Variants in GRIK4 observed in about 807,000 individuals in gnomAD.
The protein encoded by GRIK4 is glutamate receptor ionotropic, kainate 4.
In GRIK4, 40 loss-of-function variants were observed where a neutral mutation model predicts 104.9. The observed-to-expected ratio is 0.38, with a 90% CI of 0.30 to 0.50. The LOEUF is 0.50. Among genes scored for constraint, GRIK4 ranks in the 20% least tolerant of loss-of-function variants. The probability of loss-of-function intolerance (pLI) is 0.93; values close to 1 mark genes in which losing one functional copy is unlikely to be tolerated. For synonymous variants in GRIK4, 485 were observed against 524.9 expected (o/e 0.92, Z 1.04); for missense variants, 1,047 against 1,308.1 (o/e 0.80, Z 3.08).
chr11:120,537,247 T>TAGA (rs1947987101), intron 1 of GRIK4, among the ~76,000 whole-genome samples: 2 of 152,162 alleles, frequency 1.3e-5, no homozygotes, highest in Admixed American at 1.3e-4. Context: ...GTCTCTTCCA[T>TAGA]GGTTGCATCG....
chr11:120,860,004 A>G (rs1400299580), intron 8 of GRIK4, among the ~76,000 whole-genome samples: 5 of 152,160 alleles, frequency 3.3e-5, no homozygotes, highest in East Asian at 3.9e-4. Flanking sequence ...CAAGGATGCA[A>G]GGGTGGCGCC....
At chr11:120,617,927 C>T (rs777598884) in intron 1 of GRIK4, among the ~76,000 whole-genome samples, 18 of 152,026 alleles carry the variant, frequency 1.2e-4, no homozygotes, top group Admixed American at 5.9e-4. Flanking sequence ...AAATTGGTAT[C>T]GGGAGTGGGG....
chr11:120,699,900 A>G (rs1950522636), intron 3 of GRIK4, among the ~76,000 whole-genome samples: 1 of 152,232 alleles, frequency 6.6e-6, no homozygotes, highest in Non-Finnish European at 1.5e-5. Context: ...AGCAGGAGAT[A>G]GTCAGAGATG....
chr11:120,864,449 C>A (rs1592003684), intron 9 of GRIK4, among the ~76,000 whole-genome samples: 1 of 152,022 alleles, frequency 6.6e-6, no homozygotes, highest in East Asian at 1.9e-4. Flanking sequence ...ACCGTGTTAG[C>A]CAGGAGTGTC....
chr11:120,522,596 C>T (rs1478604877), intron 1 of GRIK4, among the ~76,000 whole-genome samples: 2 of 152,098 alleles, frequency 1.3e-5, no homozygotes, highest in Non-Finnish European at 2.9e-5. Flanking sequence ...GCTGGGATTA[C>T]AGGTGTGAGC....
At chr11:120,849,408 T>C (rs1953926499) in intron 8 of GRIK4, among the ~76,000 whole-genome samples, 1 of 152,200 alleles carries the variant, frequency 6.6e-6, no homozygotes, top group South Asian at 2.1e-4. Flanking sequence ...GATTCAGAAG[T>C]TGCATTAATT....
At chr11:120,923,854 A>G (rs950098463) in intron 13 of GRIK4, among the ~76,000 whole-genome samples, 1 of 152,220 alleles carries the variant, frequency 6.6e-6, no homozygotes, top group Admixed American at 6.5e-5. Flanking sequence ...ACTTAAACCC[A>G]GGACCCTCTG....
At chr11:120,698,782 T>G (rs1321483451) in intron 3 of GRIK4, among the ~76,000 whole-genome samples, 1 of 152,182 alleles carries the variant, frequency 6.6e-6, no homozygotes, top group Admixed American at 6.5e-5. Flanking sequence ...TCCTGGGGTT[T>G]GTTTGGCTCC....
intron 1 of GRIK4, among the ~76,000 whole-genome samples, chr11:120,631,544 C>T (rs1949333810): frequency 6.6e-6 from 1 of 152,128 alleles, no homozygotes; most frequent in Admixed American, 6.5e-5. Context: ...TCAGCAGCGT[C>T]CCCCTCCCTC....
chr11:120,513,441 C>T lies in GRIK4; in HGVS notation c.-159+1554C>T, dbSNP rs908549747. Among the ~76,000 whole-genome samples, 4 of 152,268 alleles carry T rather than the reference C, an allele frequency of 2.6e-5. No homozygotes were observed. Among genetic ancestry groups the T allele is most frequent in the South Asian group, 2.1e-4 (1 of 4,822 alleles). Reference sequence around the variant, plus strand: ...GGGCTTGTCGAGGTCCACTGTGTTCCGGTCCCACCAGGGATGGCAGCCCCT... The same window carrying T: ...GGGCTTGTCGAGGTCCACTGTGTTCTGGTCCCACCAGGGATGGCAGCCCCT... On this transcript the variant is annotated intron_variant, in intron 1 of 20. Coordinates refer to ENST00000527524, the MANE Select transcript of GRIK4 (RefSeq NM_014619.5). The surrounding 1 kb of genome is among the most constrained non-coding windows in gnomAD (Gnocchi z 4.5).
intron 1 of GRIK4, among the ~76,000 whole-genome samples, chr11:120,631,398 C>T (rs7119262): frequency 0.068 from 10,288 of 152,236 alleles, 408 homozygotes; most frequent in South Asian, 0.14. Context: ...GCCCACAGGC[C>T]ACACTTTGAG....
chr11:120,747,369 G>T (rs986212131), intron 3 of GRIK4, among the ~76,000 whole-genome samples: 6 of 152,178 alleles, frequency 3.9e-5, no homozygotes, highest in Admixed American at 2.6e-4. Flanking sequence ...CGCATCCCCA[G>T]CCTGTCTTGA....
At chr11:120,766,865 G>T (rs570934234) in intron 3 of GRIK4, among the ~76,000 whole-genome samples, 7 of 151,962 alleles carry the variant, frequency 4.6e-5, no homozygotes, top group South Asian at 2.1e-4. Flanking sequence ...CGTTGGTCTC[G>T]CTGGGAGCTG....
intron 3 of GRIK4, among the ~76,000 whole-genome samples, chr11:120,692,735 ACT>A (rs1490828196): frequency 6.6e-6 from 1 of 151,798 alleles, no homozygotes; most frequent in Non-Finnish European, 1.5e-5. Flanking sequence ...GAAACAGGCA[ACT>A]CTTTTTTTTC....
intron 1 of GRIK4, among the ~76,000 whole-genome samples, chr11:120,543,970 G>C (rs1303377089): frequency 3.3e-5 from 5 of 152,186 alleles, no homozygotes; most frequent in Non-Finnish European, 5.9e-5. Flanking sequence ...TGGTTGTCAG[G>C]GGCTGGTGGG....
chr11:120,752,372 C>G (rs908215892), intron 3 of GRIK4, among the ~76,000 whole-genome samples: 2 of 152,190 alleles, frequency 1.3e-5, no homozygotes, highest in Admixed American at 6.5e-5. Flanking sequence ...GCAGAGCCCC[C>G]CCATGATCTG....
chr11:120,568,084 G>A (rs969589559), intron 1 of GRIK4, among the ~76,000 whole-genome samples: 8 of 152,106 alleles, frequency 5.3e-5, no homozygotes, highest in East Asian at 1.9e-4. Flanking sequence ...AGGTTGAGGC[G>A]GGAGGATTGC....
intron 1 of GRIK4, among the ~76,000 whole-genome samples, chr11:120,536,271 C>G (rs1314233892): frequency 1.3e-5 from 2 of 152,220 alleles, no homozygotes; most frequent in Non-Finnish European, 2.9e-5. Context: ...GAGGAGCTCG[C>G]GGGGCTGGCA....
At chr11:120,533,369 G>A (rs766463389) in intron 1 of GRIK4, among the ~76,000 whole-genome samples, 28 of 152,198 alleles carry the variant, frequency 1.8e-4, no homozygotes, top group African/African-American at 4.8e-5. Flanking sequence ...ATCTAGCTTA[G>A]TCCTTATAAC....
Sources: allele counts gnomAD v4.1 joint callset (sites outside exome capture counted in the v4.1 genomes callset), GRCh38; gene constraint gnomAD v4.1.1; non-coding constraint Gnocchi (gnomAD v3.1); transcripts MANE v1.5; gene names NCBI Gene and HGNC (gene_info 2026-07-23, HGNC 2026-07-21).